Variants in KIF1C observed in about 807,000 individuals in gnomAD.
KIF1C encodes the protein kinesin family member 1C.
Under a neutral mutation model 126.5 loss-of-function variants are expected in KIF1C, and 61 were observed. The ratio of observed to expected loss-of-function variants is 0.48; its 90% CI spans 0.39 to 0.60. KIF1C has a LOEUF of 0.60. Ranked by LOEUF, KIF1C falls within the 20% of genes least tolerant of loss-of-function variation. The probability of loss-of-function intolerance (pLI) is 0.00; values close to 1 mark genes in which losing one functional copy is unlikely to be tolerated. For synonymous variants in KIF1C, 640 were observed against 580.6 expected, an observed-to-expected ratio of 1.10 and a Z score of -1.47; for missense variants, 1,315 against 1,489.2, an observed-to-expected ratio of 0.88 and a Z score of 1.93.
chr17:5,001,593 C>T (rs1011932647), intron 5 of KIF1C, among the ~76,000 whole-genome samples, 192 bp downstream of exon 5: 10 of 151,944 alleles, frequency 6.6e-5, no homozygotes, highest in South Asian at 2.1e-4. Flanking sequence ...TCAGAGGCAA[C>T]GAGCCTCAGT....
Position 5,023,342 on chromosome 17 carries a change from C to T in KIF1C, c.2629-126C>T. On this transcript the variant is annotated intron_variant, in intron 22 of 22. Coordinates refer to ENST00000320785, the MANE Select transcript of KIF1C (RefSeq NM_006612.6). The surrounding 1 kb of genome is among the most constrained non-coding windows in gnomAD (Gnocchi z 4.2). Reference sequence around the variant, plus strand: ...CCCTAAACCACTATTTTTCGAGCTTCCTTATCTCTAGGCTTTTCTCTGGAC... The same window carrying T: ...CCCTAAACCACTATTTTTCGAGCTTTCTTATCTCTAGGCTTTTCTCTGGAC... The T allele has an allele frequency of 1.3e-6, 1 of 778,962 alleles. No homozygotes were observed. Among genetic ancestry groups the T allele is most frequent in the Non-Finnish European group, 2.1e-6 (1 of 482,336 alleles). The allele number at this position is 778,962 out of a possible 1,614,324, so 48.3% of individuals were successfully genotyped here.
Position 5,001,290 on chromosome 17 carries a change from C to T in KIF1C, c.252C>T (p.His84=), listed in dbSNP as rs569446694. The change falls in exon 5 of 23, where the codon CAC becomes CAT. Residue 84 remains histidine, a synonymous_variant. Transcript: ENST00000320785. ...ACATTGGAGAAGAGATGCTGCTCCA[C>T]GCCTTTGAAGGCTACAACGTGTGCA... ...YRDIGEEMLL[H]AFEGYNVCIF... 4.5e-5 allele frequency: 73 copies of T among 1,614,112 alleles called. No homozygotes were observed. The highest frequency in any genetic ancestry group is 1.6e-4 in the Middle Eastern group (1 of 6,062).
At chr17:5,005,871 C>T (rs1485549365) in intron 13 of KIF1C, among the ~76,000 whole-genome samples, 2 of 150,984 alleles carry the variant, frequency 1.3e-5, no homozygotes, top group South Asian at 2.1e-4. Context: ...GGATTACAGG[C>T]GCCCACCACC....
Position 5,007,525 on chromosome 17 carries a change from G to A in KIF1C, c.1474G>A (p.Val492Ile), listed in dbSNP as rs368199251. The A allele has an allele frequency of 2.6e-5, 41 of 1,560,356 alleles. No individual in the cohort carries two copies. Among genetic ancestry groups the A allele is most frequent in the African/African-American group, 6.8e-5 (5 of 73,012 alleles). The change falls in exon 16 of 23, where the codon GTC (valine) becomes ATC (isoleucine). Residue 492 changes from valine (V) to isoleucine (I), a missense_variant. This residue lies in a region of KIF1C where 874 missense variants were observed against 1,053.2 expected (regional missense o/e 0.83). Coordinates refer to ENST00000320785, the MANE Select transcript of KIF1C (RefSeq NM_006612.6). ...AVREDGGTVG[V>I]FSPKKTPHLV... Reference sequence around the variant, plus strand: ...CCGGGAGGATGGGGGAACTGTGGGCGTCTTCTCTCCAAAGAAGGTGAGTGA... The same window carrying A: ...CCGGGAGGATGGGGGAACTGTGGGCATCTTCTCTCCAAAGAAGGTGAGTGA...
At chr17:5,002,881 A>G (rs541124366) in intron 8 of KIF1C, 39 bp downstream of exon 8, 22 of 1,428,712 alleles carry the variant, frequency 1.5e-5, no homozygotes, top group East Asian at 1.1e-4. Context: ...ACCGGATGCA[A>G]CCTCCCCTGG....
In KIF1C at chr17:5,020,541, G is replaced by A. The variant is rs200771979; in HGVS notation, c.1800G>A (p.Pro600=). Residue 600 remains proline (P), a synonymous_variant, in exon 20 of 23, where the codon CCG becomes CCA. Transcript: ENST00000320785. The surrounding 1 kb of genome is among the most constrained non-coding windows in gnomAD (Gnocchi z 5.8). ...GKNHVFRFNH[P]EQARLERERG... is the part of the protein sequence containing the mutation. ...ACCACGTTTTCCGCTTCAACCACCCGGAGCAGGCAAGGCTGGAACGGGAAC... is the reference window on the plus strand; with the variant it reads ...ACCACGTTTTCCGCTTCAACCACCCAGAGCAGGCAAGGCTGGAACGGGAAC... The A allele has an allele frequency of 9.3e-6, 15 of 1,614,090 alleles. No homozygotes were observed. Among genetic ancestry groups the A allele is most frequent in the Admixed American group, 6.7e-5 (4 of 60,002 alleles).
intron 21 of KIF1C, among the ~76,000 whole-genome samples, chr17:5,021,633 TC>T (rs1975093081): frequency 6.6e-6 from 1 of 151,804 alleles, no homozygotes; most frequent in South Asian, 2.1e-4. Flanking sequence ...GGTGTGCACT[TC>T]CATGCCTGGC....
Position 5,020,111 on chromosome 17 carries a change from G to A in KIF1C, c.1750+32G>A. On this transcript the variant is annotated intron_variant, in intron 19 of 22. Coordinates refer to ENST00000320785, the MANE Select transcript of KIF1C (RefSeq NM_006612.6). This position sits in a 1 kb window ranked among gnomAD's most constrained non-coding sequence, Gnocchi z 5.8. The stretch of plus-strand genomic sequence containing the variant: ...GATGTGTCGCAGATTGAGGGTTCTG[G>A]GGCGTGGCTGTGTGTAGGAAGTCTC... 1.3e-6 allele frequency: 2 copies of A among 1,526,792 alleles called. No individual in the cohort carries two copies. Among genetic ancestry groups the A allele is most frequent in the Non-Finnish European group, 1.8e-6 (2 of 1,121,160 alleles). 94.6% of individuals were successfully genotyped at this position (1,526,792 alleles called of 1,614,324 possible).
intron 3 of KIF1C, 124 bp from the exon 4 acceptor site, chr17:5,000,648 A>G (rs1455215786): frequency 2.2e-6 from 2 of 909,942 alleles, no homozygotes; most frequent in Admixed American, 4.0e-5. Flanking sequence ...GTTAAAGGGG[A>G]GAGAAGAGTC....
rs1975154039 is a variant in KIF1C at position 5,024,049 on chromosome 17, C to G, written c.3210C>G (p.Ala1070=). The G allele has an allele frequency of 1.3e-6, 2 of 1,577,412 alleles. No individual in the cohort carries two copies. The highest frequency in any genetic ancestry group is 1.7e-6 in the Non-Finnish European group (2 of 1,162,162). The change falls in exon 23 of 23, where the codon GCC becomes GCG. Residue 1070 remains alanine, a synonymous_variant. Transcript: ENST00000320785. ...SYPQPPQPYP[A]QRPPGPRYPP... is the part of the protein sequence containing the mutation. The stretch of plus-strand genomic sequence containing the variant: ...CCCAGCCACCCCAACCCTACCCAGC[C>G]CAGCGGCCCCCAGGGCCCCGCTACC...
intron 8 of KIF1C, 53 bp from the exon 9 acceptor site, chr17:5,003,559 C>T (rs1974654649): frequency 1.5e-6 from 2 of 1,336,882 alleles, no homozygotes; most frequent in Admixed American, 4.0e-5. Context: ...CCTGATTTCC[C>T]TGCCCCGTCC....
At chr17:5,008,134 C>T (rs184239439) in intron 16 of KIF1C, among the ~76,000 whole-genome samples, 2 of 152,240 alleles carry the variant, frequency 1.3e-5, no homozygotes, top group Non-Finnish European at 1.5e-5. Context: ...GAGTGGGACA[C>T]GCCAGTGCCT....
At chr17:5,009,044 G>A (rs1974799242) in intron 16 of KIF1C, among the ~76,000 whole-genome samples, 1 of 151,542 alleles carries the variant, frequency 6.6e-6, no homozygotes, top group African/African-American at 2.4e-5. Context: ...ACACACCAGA[G>A]AGAACATTCT....
chr17:5,016,263 G>A (rs1024678878), intron 18 of KIF1C, among the ~76,000 whole-genome samples: 1 of 151,366 alleles, frequency 6.6e-6, no homozygotes, highest in African/African-American at 2.4e-5. Context: ...TCAGCCTCCC[G>A]AGTAGCTGGG....
intron 18 of KIF1C, among the ~76,000 whole-genome samples, chr17:5,017,207 T>C (rs555138433): frequency 1.3e-5 from 2 of 151,612 alleles, no homozygotes; most frequent in East Asian, 3.9e-4. Context: ...TGTGCAAGAC[T>C]GACATAGGTC....
In KIF1C at chr17:5,020,432, G is replaced by A. The variant is rs971348874; in HGVS notation, c.1751-60G>A. ...GTGCCAGATTCTCTATGCCTTGGGT[G>A]TAGGGATGGATTTGGTGCTGATGGG... is the stretch of plus-strand genomic sequence containing the variant. On this transcript the variant is annotated intron_variant, in intron 19 of 22. Coordinates refer to ENST00000320785, the MANE Select transcript of KIF1C (RefSeq NM_006612.6). The surrounding 1 kb of genome is among the most constrained non-coding windows in gnomAD (Gnocchi z 5.8). 1.3e-5 allele frequency: 20 copies of A among 1,498,034 alleles called. No individual in the cohort carries two copies. The highest frequency in any genetic ancestry group is 4.2e-5 in the African/African-American group (3 of 72,218). The allele number at this position is 1,498,034 out of a possible 1,614,324, so 92.8% of individuals were successfully genotyped here.
chr17:5,008,474 G>A (rs559385213), intron 16 of KIF1C, among the ~76,000 whole-genome samples: 95 of 152,302 alleles, frequency 6.2e-4, no homozygotes, highest in African/African-American at 2.2e-3. Flanking sequence ...AGCAGCAGAG[G>A]ATCAGGCCCT....
chr17:5,025,956 C>T lies in KIF1C; in HGVS notation c.*1805C>T, dbSNP rs953794664. 6.6e-6 allele frequency: 1 copy of T among 152,240 alleles called. No individual in the cohort carries two copies. Among genetic ancestry groups the T allele is most frequent in the African/African-American group, 2.4e-5 (1 of 41,446 alleles). The allele number at this position is 152,240 out of a possible 1,614,324, so 9.4% of individuals were successfully genotyped here. A position where few individuals can be genotyped will look rare whatever the true frequency, so the allele number is the denominator to read the frequency against. On this transcript the variant is annotated 3_prime_UTR_variant, in exon 23 of 23. Coordinates refer to ENST00000320785, the MANE Select transcript of KIF1C (RefSeq NM_006612.6). ...AGCACTGCCTTTGGCTTGCCAGACT[C>T]TGGAGTCCCCACATTTTCATCCTGT...
chr17:5,013,940 T>A (rs1484622601), intron 17 of KIF1C, among the ~76,000 whole-genome samples: 2 of 151,952 alleles, frequency 1.3e-5, no homozygotes. Context: ...GCCAGTTTGG[T>A]TAGGGCGAGA....
Sources: gnomAD v4.1 joint callset for allele counts (sites outside exome capture counted in the v4.1 genomes callset) on GRCh38, gnomAD v4.1.1 for gene constraint, gnomAD v4.1.1 regional missense constraint, Gnocchi (gnomAD v3.1) non-coding constraint, MANE v1.5 for transcripts, NCBI Gene and HGNC (gene_info 2026-07-23, HGNC 2026-07-21) for gene names.